The following SLC47A2 variants were observed in gnomAD, a reference collection of about 807,000 sequenced individuals.
The protein encoded by SLC47A2 is multidrug and toxin extrusion protein 2.
A neutral mutation model predicts 67.7 loss-of-function variants in SLC47A2; 52 were observed. The ratio of observed to expected loss-of-function variants is 0.77; its 90% confidence interval spans 0.61 to 0.97. The LOEUF is 0.97. Among genes scored for constraint, SLC47A2 ranks in the 50% least tolerant of loss-of-function variants. SLC47A2 has a pLI of 0.00. For synonymous variants in SLC47A2, 278 were observed against 292.9 expected (o/e 0.95, Z 0.52); for missense variants, 676 against 712.3 (o/e 0.95, Z 0.58).
chr17:19,704,296 A>G, intron 10 of SLC47A2, 118 bp from the exon 11 acceptor site: 1 of 740,346 alleles, frequency 1.4e-6, no homozygotes, highest in Non-Finnish European at 2.1e-6. Context: ...TCAGGCATGC[A>G]GTGTAAGAGG....
chr17:19,697,467 C>G (rs2085689377), intron 13 of SLC47A2, among the ~76,000 whole-genome samples: 1 of 152,184 alleles, frequency 6.6e-6, no homozygotes, highest in Non-Finnish European at 1.5e-5. Flanking sequence ...AAAAAAAGTT[C>G]TATCTCTCAA....
intron 4 of SLC47A2, among the ~76,000 whole-genome samples, chr17:19,713,575 T>C (rs937622658): frequency 1.3e-5 from 2 of 152,322 alleles, no homozygotes; most frequent in East Asian, 1.9e-4. Context: ...AATCCCAAAT[T>C]GTTTCTTGCC....
chr17:19,709,938 G>T (rs1391932303), intron 5 of SLC47A2, among the ~76,000 whole-genome samples: 1 of 152,262 alleles, frequency 6.6e-6, no homozygotes, highest in African/African-American at 2.4e-5. Flanking sequence ...CCCTATAAGG[G>T]GGTTTCCGTA....
At chr17:19,691,666 A>G (rs1157182556) in intron 13 of SLC47A2, among the ~76,000 whole-genome samples, 3 of 152,230 alleles carry the variant, frequency 2.0e-5, no homozygotes, top group African/African-American at 2.4e-5. Context: ...GATAGAATGA[A>G]TAAGATCTAG....
At position 19,710,888 on chromosome 17, in the gene SLC47A2, G is replaced by A. The variant is rs573166714; in HGVS notation, c.486+1815C>T. On this transcript the variant is annotated intron_variant, in intron 5 of 16. Transcript: ENST00000433844. ...TGCAATGGTGGGATCTCAGCTCACT[G>A]CAACCTCAGCGTCCTGGGTTCAAGC... 2.0e-5 allele frequency among the ~76,000 whole-genome samples: 3 copies of A among 149,430 alleles called. No homozygotes were observed. In the Admixed American group the frequency reaches 2.0e-4, roughly 10 times the overall value.
Position 19,707,768 on chromosome 17 carries a change from C to G in SLC47A2, c.705G>C (p.Lys235Asn), listed in dbSNP as rs554689595. The G allele has an allele frequency of 1.4e-5, 23 of 1,598,236 alleles. No homozygotes were observed. The Admixed American group carries it at 1.9e-4, about 13-fold the overall frequency. Residue 235 changes from lysine to asparagine, a missense_variant, in exon 8 of 17, where the codon AAG becomes AAC. Physicochemically the swap from Lys to Asn is moderately conservative, Grantham distance 94. Transcript: ENST00000433844. ...VFLLLYIVLK[K>N]LHLETWAGWS... ...CACCTGCCCACGTCTCCAGGTGCAG[C>G]TTCTTCAGCACAATGTAGAGAAGGA...
At chr17:19,701,309 A>G (rs2085781457) in intron 13 of SLC47A2, among the ~76,000 whole-genome samples, 1 of 152,196 alleles carries the variant, frequency 6.6e-6, no homozygotes, top group South Asian at 2.1e-4. Context: ...TGCTGAGGCT[A>G]AGAACATGTG....
At chr17:19,694,718 C>G (rs1226423551) in intron 13 of SLC47A2, among the ~76,000 whole-genome samples, 1 of 152,034 alleles carries the variant, frequency 6.6e-6, no homozygotes, top group Non-Finnish European at 1.5e-5. Context: ...GAATTCGAAA[C>G]CAGCCTGGCC....
chr17:19,692,361 G>C, intron 13 of SLC47A2: 1 of 401,618 alleles, frequency 2.5e-6, no homozygotes, highest in Non-Finnish European at 4.8e-6. Context: ...GAAAATGAGA[G>C]CATCACTGCT....
chr17:19,690,945 C>A (rs1255784479), intron 13 of SLC47A2, among the ~76,000 whole-genome samples: 1 of 151,934 alleles, frequency 6.6e-6, no homozygotes, highest in Non-Finnish European at 1.5e-5. Flanking sequence ...CATGGAGAAA[C>A]CCCTTCTCTA....
chr17:19,678,919 A>G lies in SLC47A2; in HGVS notation c.1481-13T>C. On this transcript the variant is annotated splice_polypyrimidine_tract_variant and intron_variant, in intron 16 of 16. Coordinates refer to ENST00000433844, the MANE Select transcript of SLC47A2 (RefSeq NM_001099646.3). ...CTGCCTGTAGCCACTGCGGAAGCAA[A>G]CAGGAGCAAACTCAGCAGGTCAGGG... 1 of 1,556,430 alleles carries G rather than the reference A, an allele frequency of 6.4e-7. No homozygotes were observed. Among genetic ancestry groups the G allele is most frequent in the Non-Finnish European group, 8.7e-7 (1 of 1,148,776 alleles).
chr17:19,697,690 C>G (rs770916697), intron 13 of SLC47A2, among the ~76,000 whole-genome samples: 10 of 149,996 alleles, frequency 6.7e-5, no homozygotes, highest in Non-Finnish European at 1.3e-4. Flanking sequence ...TGGGCACAAG[C>G]TATCCTCCCA....
At chr17:19,704,838 T>TG in intron 10 of SLC47A2, 1 of 669,666 alleles carries the variant, frequency 1.5e-6, no homozygotes, top group Non-Finnish European at 2.4e-6. Context: ...TTTTTTTTTT[T>TG]TTTTTGAGAC....
At chr17:19,710,386 T>C (rs1018482003) in intron 5 of SLC47A2, among the ~76,000 whole-genome samples, 2 of 152,132 alleles carry the variant, frequency 1.3e-5, no homozygotes, top group African/African-American at 4.8e-5. Context: ...ATATCTTAAA[T>C]GTAAAAATAG....
chr17:19,684,237 A>C (rs1350358370), intron 13 of SLC47A2, among the ~76,000 whole-genome samples: 1 of 152,180 alleles, frequency 6.6e-6, no homozygotes, highest in Non-Finnish European at 1.5e-5. Flanking sequence ...GAATTCATAC[A>C]AAGTATGTTC....
chr17:19,698,641 C>T (rs2152347174), intron 13 of SLC47A2, among the ~76,000 whole-genome samples: 1 of 152,280 alleles, frequency 6.6e-6, no homozygotes, highest in African/African-American at 2.4e-5. Flanking sequence ...AAGCATGAGC[C>T]ACTGCACCCA....
chr17:19,686,890 C>T (rs763577546), intron 13 of SLC47A2, among the ~76,000 whole-genome samples: 1 of 152,130 alleles, frequency 6.6e-6, no homozygotes, highest in Non-Finnish European at 1.5e-5. Flanking sequence ...ACAGATCATC[C>T]AGACAGAAGG....
At position 19,704,068 on chromosome 17, in the gene SLC47A2, A is replaced by T; in HGVS notation, c.1018+2T>A. 1 of 1,604,686 alleles carries T rather than the reference A, an allele frequency of 6.2e-7. No homozygotes were observed. Among genetic ancestry groups the T allele is most frequent in the Non-Finnish European group, 8.5e-7 (1 of 1,177,476 alleles). ...GGCCCACCAGGAGAGGACTCCACCTACCTATGCTGAGCACGCCCGAGACGG... is the reference window on the plus strand; with the variant it reads ...GGCCCACCAGGAGAGGACTCCACCTTCCTATGCTGAGCACGCCCGAGACGG... On this transcript the variant is annotated splice_donor_variant, in intron 11 of 16. Transcript: ENST00000433844. LOFTEE classifies it high-confidence loss of function.
chr17:19,702,826 T>A, intron 12 of SLC47A2, 152 bp from the exon 13 acceptor site: 1 of 966,344 alleles, frequency 1.0e-6, no homozygotes, highest in Non-Finnish European at 1.5e-6. Flanking sequence ...TAGCCCAGAG[T>A]TTTCTGTGTC....
Sources: gnomAD v4.1 joint callset for allele counts (sites outside exome capture counted in the v4.1 genomes callset) on GRCh38, gnomAD v4.1.1 for gene constraint, MANE v1.5 for transcripts, NCBI Gene and HGNC (gene_info 2026-07-23, HGNC 2026-07-21) for gene names.